Variants in NRG3 observed in about 807,000 individuals in gnomAD.
NRG3 encodes pro-neuregulin-3, membrane-bound isoform.
Under a neutral mutation model 66.9 loss-of-function variants are expected in NRG3, and 31 were observed. The ratio of observed to expected loss-of-function variants is 0.46; its 90% CI spans 0.35 to 0.63. The LOEUF is 0.63. Among genes scored for constraint, NRG3 ranks in the 20% least tolerant of loss-of-function variants. The probability of loss-of-function intolerance (pLI) is 0.00; values close to 1 mark genes in which losing one functional copy is unlikely to be tolerated. For missense variants in NRG3, 910 were observed against 878.9 expected, an observed-to-expected ratio of 1.04 and a Z score of -0.45; for synonymous variants, 393 against 359.4, an observed-to-expected ratio of 1.09 and a Z score of -1.06.
At chr10:82,199,815 C>CT (rs572270018) in intron 1 of NRG3, among the ~76,000 whole-genome samples, 7 of 149,926 alleles carry the variant, frequency 4.7e-5, no homozygotes, top group South Asian at 2.1e-4. Flanking sequence ...GATTACATTT[C>CT]TTTTTTTTTC....
chr10:82,303,840 C>G (rs1431242862), intron 1 of NRG3, among the ~76,000 whole-genome samples: 1 of 151,930 alleles, frequency 6.6e-6, no homozygotes. Context: ...GCACACCAGC[C>G]TGGGGGACAG....
chr10:82,422,476 C>G (rs1299992526), intron 2 of NRG3, among the ~76,000 whole-genome samples: 2 of 151,898 alleles, frequency 1.3e-5, no homozygotes, highest in Admixed American at 1.3e-4. Context: ...GTATCCTTTT[C>G]TACACACTTT....
At chr10:82,201,877 A>G (rs1312567366) in intron 1 of NRG3, among the ~76,000 whole-genome samples, 1 of 152,154 alleles carries the variant, frequency 6.6e-6, no homozygotes, top group Non-Finnish European at 1.5e-5. Context: ...CTAGTATGTA[A>G]GAAATTATAT....
At chr10:82,983,339 C>T (rs1194047378) in intron 8 of NRG3, among the ~76,000 whole-genome samples, 1 of 152,136 alleles carries the variant, frequency 6.6e-6, no homozygotes, top group Non-Finnish European at 1.5e-5. Context: ...CTTTTAGGCT[C>T]ATATTTTTAG....
At chr10:82,578,330 A>G (rs2046154491) in intron 2 of NRG3, among the ~76,000 whole-genome samples, 1 of 140,636 alleles carries the variant, frequency 7.1e-6, no homozygotes, top group African/African-American at 2.6e-5. Flanking sequence ...TTGATATTTT[A>G]GCCTAGATGT....
intron 3 of NRG3, 28 bp from the exon 4 acceptor site, chr10:82,865,383 C>CGAAG (rs1287204503): frequency 6.2e-7 from 1 of 1,611,780 alleles, no homozygotes; most frequent in South Asian, 1.1e-5. Flanking sequence ...TTTCTCTTCC[C>CGAAG]CTTCCTTCCA....
chr10:82,850,547 A>C (rs1056517154), intron 3 of NRG3, among the ~76,000 whole-genome samples: 7 of 152,352 alleles, frequency 4.6e-5, no homozygotes, highest in African/African-American at 1.7e-4. Flanking sequence ...CTGAATTGAC[A>C]CCAAATAAAA....
intron 2 of NRG3, among the ~76,000 whole-genome samples, chr10:82,423,229 T>A (rs2136250963): frequency 6.6e-6 from 1 of 152,092 alleles, no homozygotes; most frequent in East Asian, 1.9e-4. Context: ...TTTCAACTGT[T>A]TTAGGAAAAT....
chr10:82,970,860 G>A (rs1564679224), intron 6 of NRG3, among the ~76,000 whole-genome samples: 1 of 152,128 alleles, frequency 6.6e-6, no homozygotes. Flanking sequence ...ATTATCCAAA[G>A]AGTTCATTCA....
chr10:82,157,619 A>C (rs2071284720), intron 1 of NRG3, among the ~76,000 whole-genome samples: 1 of 151,590 alleles, frequency 6.6e-6, no homozygotes, highest in Non-Finnish European at 1.5e-5. Context: ...GAGGTCAGGA[A>C]AGTCTGTAAG....
intron 2 of NRG3, among the ~76,000 whole-genome samples, chr10:82,377,822 A>T (rs1225649741): frequency 6.6e-6 from 1 of 152,120 alleles, no homozygotes; most frequent in African/African-American, 2.4e-5. Flanking sequence ...GGAGGCTGGG[A>T]TTTCTGCAAA....
At chr10:82,797,011 AGAAAAACTCT>A (rs1376843225) in intron 3 of NRG3, among the ~76,000 whole-genome samples, 1 of 152,222 alleles carries the variant, frequency 6.6e-6, no homozygotes, top group Non-Finnish European at 1.5e-5. Context: ...TACCAGAATT[AGAAAAACTCT>A]GAAAAGAGGC....
At position 82,593,515 on chromosome 10, in the gene NRG3, C is replaced by T. The variant is rs183851211; in HGVS notation, c.954-145062C>T. Among the ~76,000 whole-genome samples the T allele has an allele frequency of 3.3e-5, 5 of 152,166 alleles. No homozygotes were observed. The East Asian group carries it at 9.7e-4, about 29-fold the overall frequency. On this transcript the variant is annotated intron_variant, in intron 2 of 8. Transcript: ENST00000372141. Reference sequence around the variant, plus strand: ...ATTGGGTTCAAGTTACTATTGACCACACTTCCAGTATGACCTCAAAGCCAT... The same window carrying T: ...ATTGGGTTCAAGTTACTATTGACCATACTTCCAGTATGACCTCAAAGCCAT...
intron 1 of NRG3, among the ~76,000 whole-genome samples, chr10:82,042,492 A>G (rs552901905): frequency 7.9e-5 from 12 of 152,212 alleles, no homozygotes; most frequent in African/African-American, 2.6e-4. Flanking sequence ...GCAAACAGTA[A>G]TTGTAAATAT....
rs559566593 is a variant in NRG3 at position 82,116,218 on chromosome 10, CCTTATA to C, written c.823+240059_823+240064del. Among the ~76,000 whole-genome samples the C allele has an allele frequency of 2.6e-3, 396 of 151,944 alleles. 2 individuals are homozygous for C. Among genetic ancestry groups the C allele is most frequent in the African/African-American group, 8.7e-3 (362 of 41,452 alleles). Reference sequence around the variant, plus strand: ...GTGGATTTGATGGCCTGATTTTGTCCCTTATACTTTGATATATAGTATCCCTTTATT... The same window carrying C: ...GTGGATTTGATGGCCTGATTTTGTCCCTTTGATATATAGTATCCCTTTATT... On this transcript the variant is annotated intron_variant, in intron 1 of 8. Coordinates refer to ENST00000372141, the MANE Select transcript of NRG3 (RefSeq NM_001010848.4).
chr10:82,341,914 C>T (rs2082707477), intron 1 of NRG3, among the ~76,000 whole-genome samples: 1 of 151,876 alleles, frequency 6.6e-6, no homozygotes, highest in African/African-American at 2.4e-5. Context: ...TCGTTGCCTC[C>T]AGTTCCTGTT....
intron 2 of NRG3, among the ~76,000 whole-genome samples, chr10:82,700,646 A>T (rs10082485): frequency 0.31 from 46,521 of 151,590 alleles, 8,352 homozygotes; most frequent in African/African-American, 0.49. Flanking sequence ...TCTTTTTTTT[A>T]AAACCATCTG....
intron 2 of NRG3, among the ~76,000 whole-genome samples, chr10:82,680,351 T>C (rs1171831764): frequency 6.6e-6 from 1 of 152,192 alleles, no homozygotes; most frequent in Non-Finnish European, 1.5e-5. Flanking sequence ...TGTTTTAATT[T>C]TATCCACTGC....
chr10:82,303,413 G>C (rs1411226332), intron 1 of NRG3, among the ~76,000 whole-genome samples: 1 of 151,828 alleles, frequency 6.6e-6, no homozygotes, highest in Non-Finnish European at 1.5e-5. Context: ...TTCATCTGAG[G>C]ACTCTATTAT....
Sources: allele counts gnomAD v4.1 joint callset (sites outside exome capture counted in the v4.1 genomes callset), GRCh38; gene constraint gnomAD v4.1.1; transcripts MANE v1.5; gene names NCBI Gene and HGNC (gene_info 2026-07-23, HGNC 2026-07-21).